Variants in DLGAP2 observed in about 807,000 individuals in gnomAD.
DLGAP2 encodes DLG associated protein 2, also known as disks large-associated protein 2.
In DLGAP2, 26 loss-of-function variants were observed where a neutral mutation model predicts 100.3. The ratio of observed to expected loss-of-function variants is 0.26; its 90% CI spans 0.19 to 0.36. DLGAP2 has a LOEUF of 0.36. Ranked by LOEUF, DLGAP2 falls within the 10% of genes least tolerant of loss-of-function variation. DLGAP2 has a pLI of 1.00. For synonymous variants in DLGAP2, 886 were observed against 630.1 expected, an observed-to-expected ratio of 1.41 and a Z score of -6.08; for missense variants, 1,858 against 1,453.2, an observed-to-expected ratio of 1.28 and a Z score of -4.53.
intron 2 of DLGAP2, among the ~76,000 whole-genome samples, chr8:1,129,401 C>CAAA (rs35118074): frequency 8.9e-6 from 1 of 112,062 alleles, no homozygotes; most frequent in Non-Finnish European, 1.9e-5. Flanking sequence ...GACTCCATCT[C>CAAA]AAAAAAAAAA....
At chr8:1,460,083 G>A (rs1798430833) in intron 3 of DLGAP2, among the ~76,000 whole-genome samples, 1 of 152,242 alleles carries the variant, frequency 6.6e-6, no homozygotes. Flanking sequence ...AACACGTGCA[G>A]CGTGAGCAGG....
At chr8:1,158,844 C>T (rs60110299) in intron 2 of DLGAP2, among the ~76,000 whole-genome samples, 7,046 of 152,162 alleles carry the variant, frequency 0.046, 191 homozygotes, top group African/African-American at 0.071. Flanking sequence ...TTGGGGACCC[C>T]GTTAGTGGGA....
intron 2 of DLGAP2, among the ~76,000 whole-genome samples, chr8:1,056,089 A>G (rs1325725698): frequency 2.0e-5 from 3 of 152,212 alleles, no homozygotes; most frequent in Non-Finnish European, 4.4e-5. Flanking sequence ...GTAAGCATTC[A>G]GTTGTATGAC....
chr8:1,019,052 A>T (rs1350494179), intron 2 of DLGAP2: 1 of 152,218 alleles, frequency 6.6e-6, no homozygotes. Flanking sequence ...CAGTCCCATT[A>T]AAAATGCCCT....
intron 5 of DLGAP2, among the ~76,000 whole-genome samples, chr8:1,555,835 G>T (rs987591033): frequency 2.0e-5 from 3 of 152,252 alleles, no homozygotes; most frequent in Admixed American, 6.5e-5. Context: ...ATGTTGAAGG[G>T]TGTCTGGTTT....
rs1002732733 is a variant in DLGAP2, at chr8:1,548,640, T to C, written c.187T>C (p.Trp63Arg). 2.6e-6 allele frequency: 4 copies of C among 1,550,950 alleles called. No homozygotes were observed. Among genetic ancestry groups the C allele is most frequent in the Non-Finnish European group, 2.6e-6 (3 of 1,149,712 alleles). Residue 63 changes from tryptophan (W) to arginine (R), a missense_variant, in exon 5 of 15, where the codon TGG becomes CGG. Transcript: ENST00000637795. ...AEEDLDPQYSWSPTQHFNEER... is the reference protein window; with the variant it reads ...AEEDLDPQYSRSPTQHFNEER... ...TTTCCCCACAGACCCGCAGTACTCA[T>C]GGTCGCCCACGCAGCACTTCAATGA... is the stretch of plus-strand genomic sequence containing the variant.
intron 1 of DLGAP2, among the ~76,000 whole-genome samples, chr8:838,148 A>C (rs1796916216): frequency 6.6e-6 from 1 of 152,052 alleles, no homozygotes; most frequent in South Asian, 2.1e-4. Context: ...ATGATGTCCT[A>C]AACATACTTT....
chr8:878,600 C>A (rs1015659568), intron 1 of DLGAP2, among the ~76,000 whole-genome samples: 1 of 152,148 alleles, frequency 6.6e-6, no homozygotes, highest in Non-Finnish European at 1.5e-5. Flanking sequence ...CCAAAACTCA[C>A]TGAGGCTTGG....
chr8:1,359,774 C>A (rs1239275585), intron 3 of DLGAP2, among the ~76,000 whole-genome samples: 1 of 152,234 alleles, frequency 6.6e-6, no homozygotes, highest in Non-Finnish European at 1.5e-5. Context: ...ATTAGTATTC[C>A]CTTGTTGTGA....
At chr8:1,314,241 T>C (rs1181368626) in intron 3 of DLGAP2, among the ~76,000 whole-genome samples, 2 of 152,216 alleles carry the variant, frequency 1.3e-5, no homozygotes, top group African/African-American at 2.4e-5. Context: ...ATTGAGTTAC[T>C]GTTGAGTTAG....
At chr8:1,295,827 A>G (rs766638237) in intron 3 of DLGAP2, among the ~76,000 whole-genome samples, 9 of 152,188 alleles carry the variant, frequency 5.9e-5, no homozygotes, top group Non-Finnish European at 8.8e-5. Flanking sequence ...TTTTGCTCAC[A>G]GCAGAAGCCA....
rs567451595 is a variant in DLGAP2, at chr8:1,647,488, C to CA, written c.1810+14480dup. On this transcript the variant is annotated intron_variant, in intron 8 of 14. Coordinates refer to ENST00000637795, the MANE Select transcript of DLGAP2 (RefSeq NM_001346810.2). ...TGGGAGACAGAGAGAGACTCTGTCT[C>CA]AAAAAAAAAAAAAAAAAAAAAAAAA... Among the ~76,000 whole-genome samples the CA allele has an allele frequency of 6.8e-3, 308 of 44,968 alleles. 96 individuals are homozygous for CA. The highest frequency in any genetic ancestry group is 0.014 in the Non-Finnish European group (245 of 17,212). The allele number at this position is 44,968 out of a possible 152,430, so 29.5% of individuals were successfully genotyped here.
intron 4 of DLGAP2, among the ~76,000 whole-genome samples, chr8:1,534,884 C>T (rs4876086): frequency 0.24 from 36,013 of 152,200 alleles, 4,537 homozygotes; most frequent in Middle Eastern, 0.35. Flanking sequence ...CTCTGGAACA[C>T]ATTATAAGAG....
intron 1 of DLGAP2, among the ~76,000 whole-genome samples, chr8:783,276 C>G (rs1220821974): frequency 6.6e-6 from 1 of 152,196 alleles, no homozygotes; most frequent in Non-Finnish European, 1.5e-5. Flanking sequence ...TGCCTGCACT[C>G]TGTTCCCTTG....
At chr8:1,194,223 C>T in intron 2 of DLGAP2, among the ~76,000 whole-genome samples, 1 of 152,204 alleles carries the variant, frequency 6.6e-6, no homozygotes, top group African/African-American at 2.4e-5. Context: ...CAGCCCGACT[C>T]AGGAGGAGCT....
chr8:1,091,859 C>T (rs995063699), intron 2 of DLGAP2, among the ~76,000 whole-genome samples: 2 of 151,896 alleles, frequency 1.3e-5, no homozygotes, highest in African/African-American at 4.8e-5. Context: ...TCCCCCTTTT[C>T]CCTCTTTCGC....
At chr8:1,149,554 C>T (rs1476532143) in intron 2 of DLGAP2, among the ~76,000 whole-genome samples, 2 of 152,160 alleles carry the variant, frequency 1.3e-5, no homozygotes, top group East Asian at 3.8e-4. Flanking sequence ...GTTATGTCTT[C>T]TTTCATCATT....
At chr8:1,540,382 A>G (rs1801321345) in intron 4 of DLGAP2, among the ~76,000 whole-genome samples, 3 of 152,232 alleles carry the variant, frequency 2.0e-5, no homozygotes, top group Non-Finnish European at 4.4e-5. Context: ...CCTTGTTTGC[A>G]GCAGGTGCTT....
intron 1 of DLGAP2, among the ~76,000 whole-genome samples, chr8:795,488 A>T (rs1258464646): frequency 6.6e-6 from 1 of 152,214 alleles, no homozygotes; most frequent in African/African-American, 2.4e-5. Context: ...AATGCACCAA[A>T]TCTGGACCAA....
Sources: allele counts gnomAD v4.1 joint callset (sites outside exome capture counted in the v4.1 genomes callset), GRCh38; gene constraint gnomAD v4.1.1; transcripts MANE v1.5; gene names NCBI Gene and HGNC (gene_info 2026-07-23, HGNC 2026-07-21).